The following MAX variants were observed in gnomAD, a reference collection of about 807,000 sequenced individuals.
MAX encodes protein max.
A neutral mutation model predicts 22.3 loss-of-function variants in MAX; 3 were observed. The observed-to-expected ratio is 0.13, with a 90% confidence interval of 0.06 to 0.35. The LOEUF (loss-of-function observed/expected upper bound fraction) is 0.35. MAX is among the 10% of genes least tolerant of loss of function. The probability of loss-of-function intolerance (pLI) is 1.00; values close to 1 mark genes in which losing one functional copy is unlikely to be tolerated. For synonymous variants in MAX, 72 were observed against 77.7 expected (o/e 0.93, Z 0.39); for missense variants, 119 against 209.4 (o/e 0.57, Z 2.66).
chr14:65,073,170 A>G (rs138839393), downstream of MAX, among the ~76,000 whole-genome samples: 71 of 152,326 alleles, frequency 4.7e-4, no homozygotes, highest in Middle Eastern at 3.4e-3. Flanking sequence ...CATTTTATAG[A>G]TAAAGATGCT....
At chr14:65,015,088 G>C (rs1327089206) in intron 3 of MAX, among the ~76,000 whole-genome samples, 2 of 149,794 alleles carry the variant, frequency 1.3e-5, no homozygotes, top group Admixed American at 1.3e-4. Flanking sequence ...TAATCCTGTT[G>C]TCTTTTTTTT....
chr14:65,030,747 A>G lies in MAX; in HGVS notation c.172-24463T>C, dbSNP rs112814608. On this transcript the variant is annotated intron_variant, in intron 3 of 3. Transcript: ENST00000341653. This position sits in a 1 kb window ranked among gnomAD's most constrained non-coding sequence, Gnocchi z 4.5. The stretch of plus-strand genomic sequence containing the variant: ...AAAGTGAGATCCTATCTTAAAAAAA[A>G]AAAAGAAGATGGAAACTAGGCCCTT... 6.3e-3 allele frequency among the ~76,000 whole-genome samples: 956 copies of G among 152,108 alleles called. 17 individuals are homozygous for G. Among genetic ancestry groups the G allele is most frequent in the South Asian group, 0.044 (211 of 4,818 alleles).
intron 3 of MAX, among the ~76,000 whole-genome samples, chr14:65,010,745 T>TTTG (rs2061669511): frequency 6.6e-6 from 1 of 152,148 alleles, no homozygotes; most frequent in South Asian, 2.1e-4. Flanking sequence ...ATCCTTGTTT[T>TTTG]TTTGTTTGTT....
chr14:65,015,351 C>G (rs1285855777), intron 3 of MAX, among the ~76,000 whole-genome samples: 3 of 151,676 alleles, frequency 2.0e-5, no homozygotes, highest in Non-Finnish European at 4.4e-5. Context: ...GATCCACCCA[C>G]CTTGGCCTCC....
rs1566865757 is a variant in MAX, at chr14:65,006,400, CTT to C, written c.172-118_172-117del. The C allele has an allele frequency of 3.4e-6, 5 of 1,470,792 alleles. No individual in the cohort carries two copies. In the South Asian group the frequency reaches 5.2e-5, roughly 15 times the overall value. 91.1% of individuals were successfully genotyped at this position (1,470,792 alleles called of 1,614,324 possible). ...GACCTCAATAAAATGAATTATTCCTCTTGTCATGAGATACAGCTAGAGATTAG... is the reference window on the plus strand; with the variant it reads ...GACCTCAATAAAATGAATTATTCCTCGTCATGAGATACAGCTAGAGATTAG... On this transcript the variant is annotated intron_variant, in intron 3 of 3. Transcript: ENST00000341653.
downstream of MAX, among the ~76,000 whole-genome samples, chr14:65,073,140 G>T (rs959651364): frequency 6.6e-6 from 1 of 152,126 alleles, no homozygotes; most frequent in African/African-American, 2.4e-5. Context: ...ATCTCATGAG[G>T]CTAGTGCTAT....
chr14:65,056,694 C>T (rs745377453), intron 3 of MAX, among the ~76,000 whole-genome samples: 28 of 152,070 alleles, frequency 1.8e-4, no homozygotes, highest in Non-Finnish European at 3.8e-4. Flanking sequence ...GTTGTTTTCC[C>T]TTAAGTATTT....
intron 3 of MAX, among the ~76,000 whole-genome samples, chr14:65,013,691 G>A (rs958763872): frequency 1.3e-5 from 2 of 152,130 alleles, no homozygotes; most frequent in African/African-American, 4.8e-5. Context: ...AGGATTACAG[G>A]TGTGCACCAT....
chr14:65,059,480 A>G (rs1267825758), intron 3 of MAX, among the ~76,000 whole-genome samples: 2 of 152,034 alleles, frequency 1.3e-5, no homozygotes, highest in East Asian at 1.9e-4. Flanking sequence ...TGTTGTTACT[A>G]ATTTCTTCAT....
intron 2 of MAX, among the ~76,000 whole-genome samples, chr14:65,101,250 T>G (rs984667802): frequency 6.6e-6 from 1 of 152,230 alleles, no homozygotes; most frequent in African/African-American, 2.4e-5. Context: ...GCATTTCTCA[T>G]TTCCACTTAC....
chr14:65,033,545 G>A (rs545895173), intron 3 of MAX, among the ~76,000 whole-genome samples: 1 of 152,252 alleles, frequency 6.6e-6, no homozygotes, highest in South Asian at 2.1e-4. Flanking sequence ...TTTCCTGGAT[G>A]CTCCAAATAT....
Position 65,027,443 on chromosome 14 carries a change from G to A in MAX, c.172-21159C>T, listed in dbSNP as rs771334838. ...CTGACTTTGTTTTTGCCCTTTGGCT[G>A]TGTACCTAGTGTGTGTCAGTTCCTG... On this transcript the variant is annotated intron_variant, in intron 3 of 3. Transcript: ENST00000341653. This position sits in a 1 kb window ranked among gnomAD's most constrained non-coding sequence, Gnocchi z 5.7. The A allele has an allele frequency of 2.5e-6, 4 of 1,613,844 alleles. No individual in the cohort carries two copies. The highest frequency in any genetic ancestry group is 1.1e-5 in the South Asian group (1 of 91,040).
rs755147125 is a variant in MAX, at chr14:65,031,306, T to A, written c.172-25022A>T. 6.6e-6 allele frequency among the ~76,000 whole-genome samples: 1 copy of A among 151,734 alleles called. No individual in the cohort carries two copies. The highest frequency in any genetic ancestry group is 2.1e-4 in the South Asian group (1 of 4,796). The stretch of plus-strand genomic sequence containing the variant: ...AGCAAGAATGATCCTAAATCAAGTA[T>A]AATAATTTTTTGTGTTTGTTTTTTT... On this transcript the variant is annotated intron_variant, in intron 3 of 3. Coordinates refer to the MAX transcript ENST00000341653. This position sits in a 1 kb window ranked among gnomAD's most constrained non-coding sequence, Gnocchi z 4.6.
At chr14:65,091,133 C>T (rs1262330062) in intron 3 of MAX, among the ~76,000 whole-genome samples, 3 of 151,998 alleles carry the variant, frequency 2.0e-5, no homozygotes, top group Non-Finnish European at 4.4e-5. Flanking sequence ...ATAATCATTT[C>T]ATGATTATTT....
intron 3 of MAX, among the ~76,000 whole-genome samples, chr14:65,039,583 G>T (rs534523421): frequency 1.4e-3 from 218 of 152,070 alleles, no homozygotes; most frequent in African/African-American, 4.8e-3. Flanking sequence ...GCTTTTTGTT[G>T]CCCCTCTCCC....
chr14:65,060,897 A>C (rs948674612), intron 3 of MAX, among the ~76,000 whole-genome samples: 2 of 136,866 alleles, frequency 1.5e-5, no homozygotes. Context: ...AAAAAAAAAC[A>C]GTTTGAGATA....
chr14:65,086,284 G>C (rs1187496340), intron 3 of MAX, among the ~76,000 whole-genome samples: 2 of 152,196 alleles, frequency 1.3e-5, no homozygotes, highest in Admixed American at 6.5e-5. Context: ...GTAGAGTAGG[G>C]CACTGCTGAA....
chr14:65,021,150 A>C (rs2061879100), intron 3 of MAX, among the ~76,000 whole-genome samples: 1 of 152,238 alleles, frequency 6.6e-6, no homozygotes, highest in Admixed American at 6.5e-5. Context: ...CACTGAAGGA[A>C]GCATCCTCTA....
intron 3 of MAX, among the ~76,000 whole-genome samples, chr14:65,024,897 G>T (rs1285574534): frequency 6.6e-6 from 1 of 152,010 alleles, no homozygotes; most frequent in East Asian, 1.9e-4. Context: ...GGAATTACAG[G>T]CACAAGCCAC....
Sources: gnomAD v4.1 joint callset for allele counts (sites outside exome capture counted in the v4.1 genomes callset) on GRCh38, gnomAD v4.1.1 for gene constraint, Gnocchi (gnomAD v3.1) non-coding constraint, MANE v1.5 for transcripts, NCBI Gene and HGNC (gene_info 2026-07-23, HGNC 2026-07-21) for gene names.